The following GSK3B variants were observed in gnomAD, a reference collection of about 807,000 sequenced individuals.
GSK3B encodes the protein glycogen synthase kinase-3 beta.
In GSK3B, 15 loss-of-function variants were observed where a neutral mutation model predicts 56.4. The observed-to-expected ratio is 0.27, with a 90% CI of 0.18 to 0.41. GSK3B has a LOEUF of 0.41. Ranked by LOEUF, GSK3B falls within the 10% of genes least tolerant of loss-of-function variation. The pLI, the probability that GSK3B is intolerant of heterozygous loss-of-function variation, is 1.00. For synonymous variants in GSK3B, 181 were observed against 188.9 expected (o/e 0.96, Z 0.34); for missense variants, 300 against 513.4 (o/e 0.58, Z 4.02).
Position 120,072,583 on chromosome 3 carries a change from A to T in GSK3B, c.88+20764T>A, listed in dbSNP as rs544636633. On this transcript the variant is annotated intron_variant, in intron 1 of 10. Coordinates refer to ENST00000264235, the MANE Select transcript of GSK3B (RefSeq NM_001146156.2). ...GCCTGAGCAAGACTCAGTCTCAAAA[A>T]AATAATAATAATAATTATCTTCAAA... Among the ~76,000 whole-genome samples the T allele has an allele frequency of 5.9e-5, 9 of 152,286 alleles. No individual in the cohort carries two copies. The South Asian group carries it at 6.2e-4, about 11-fold the overall frequency.
chr3:119,861,555 C>G (rs748833905), intron 9 of GSK3B, among the ~76,000 whole-genome samples: 1 of 151,088 alleles, frequency 6.6e-6, no homozygotes, highest in African/African-American at 2.4e-5. Context: ...ACAAAAAAAC[C>G]AAAAAACAAC....
intron 1 of GSK3B, among the ~76,000 whole-genome samples, chr3:120,083,881 C>T (rs1371283048): frequency 6.6e-6 from 1 of 152,086 alleles, no homozygotes; most frequent in African/African-American, 2.4e-5. Context: ...CATAAATGGC[C>T]ATGTATTACA....
intron 2 of GSK3B, among the ~76,000 whole-genome samples, chr3:119,981,528 G>A (rs940300460): frequency 3.3e-5 from 5 of 152,250 alleles, no homozygotes; most frequent in Admixed American, 6.5e-5. Context: ...AGCACCCGCT[G>A]ACAAGATGAT....
At chr3:119,988,421 C>T (rs1334247239) in intron 2 of GSK3B, among the ~76,000 whole-genome samples, 1 of 152,156 alleles carries the variant, frequency 6.6e-6, no homozygotes, top group East Asian at 1.9e-4. Flanking sequence ...TCTTAAGTTA[C>T]AGTACTTGCA....
chr3:119,918,902 C>T (rs905812842), intron 4 of GSK3B, among the ~76,000 whole-genome samples: 6 of 151,976 alleles, frequency 3.9e-5, no homozygotes, highest in Admixed American at 3.3e-4. Context: ...CTTCTCTGTG[C>T]CATAATATCT....
intron 2 of GSK3B, among the ~76,000 whole-genome samples, chr3:119,984,570 G>C (rs935569006): frequency 5.9e-5 from 9 of 152,258 alleles, no homozygotes; most frequent in African/African-American, 2.2e-4. Flanking sequence ...ACTACCATCA[G>C]AGAATACTAT....
rs1164391033 is a variant in GSK3B, at chr3:119,911,942, C to T, written c.715+762G>A. 5.9e-5 allele frequency among the ~76,000 whole-genome samples: 9 copies of T among 152,160 alleles called. 1 individual carries two copies. Among genetic ancestry groups the T allele is most frequent in the East Asian group, 5.8e-4 (3 of 5,194 alleles). On this transcript the variant is annotated intron_variant, in intron 6 of 10. Transcript: ENST00000264235. ...CCCTGTAACAGCAATAAGGCTGTTTCACTTTCTTATCATTCATCTGTTCAT... is the reference window on the plus strand; with the variant it reads ...CCCTGTAACAGCAATAAGGCTGTTTTACTTTCTTATCATTCATCTGTTCAT...
intron 3 of GSK3B, among the ~76,000 whole-genome samples, chr3:119,930,158 T>G (rs1318242962): frequency 1.3e-5 from 2 of 151,944 alleles, no homozygotes; most frequent in Non-Finnish European, 2.9e-5. Flanking sequence ...TTTAATTTTA[T>G]ATATTTAAAT....
At chr3:119,977,482 C>CA (rs1226027399) in intron 2 of GSK3B, among the ~76,000 whole-genome samples, 1 of 152,184 alleles carries the variant, frequency 6.6e-6, no homozygotes, top group Admixed American at 6.5e-5. Flanking sequence ...CTCCCATTGC[C>CA]ATGCTGTTAC....
At position 120,082,382 on chromosome 3, in the gene GSK3B, G is replaced by GTTTT. The variant is rs1296252569; in HGVS notation, c.88+10964_88+10965insAAAA. ...AAATGTGGCTAGCCCAAATTAGTAT[G>GTTTT]TTCTTTTTTTTTTTTTTTTTTTTTT... is the stretch of plus-strand genomic sequence containing the variant. On this transcript the variant is annotated intron_variant, in intron 1 of 10. Coordinates refer to ENST00000264235, the MANE Select transcript of GSK3B (RefSeq NM_001146156.2). Among the ~76,000 whole-genome samples the GTTTT allele has an allele frequency of 8.7e-4, 63 of 72,476 alleles. 3 individuals carry two copies. Among genetic ancestry groups the GTTTT allele is most frequent in the African/African-American group, 2.8e-3 (50 of 17,738 alleles). 47.5% of individuals were successfully genotyped at this position (72,476 alleles called of 152,430 possible).
chr3:120,001,522 C>G (rs1046840038), intron 2 of GSK3B, among the ~76,000 whole-genome samples: 3 of 152,170 alleles, frequency 2.0e-5, no homozygotes, highest in Non-Finnish European at 4.4e-5. Flanking sequence ...GATGTCTGCA[C>G]CACACTTCCT....
At chr3:120,071,739 A>G (rs536469633) in intron 1 of GSK3B, among the ~76,000 whole-genome samples, 1 of 152,348 alleles carries the variant, frequency 6.6e-6, no homozygotes, top group South Asian at 2.1e-4. Flanking sequence ...TAATAATAAT[A>G]AAGTGCACAT....
chr3:119,989,257 ACT>A (rs2057542306), intron 2 of GSK3B, among the ~76,000 whole-genome samples: 1 of 152,238 alleles, frequency 6.6e-6, no homozygotes, highest in East Asian at 1.9e-4. Flanking sequence ...ACAGGAATCA[ACT>A]CCTAAATACA....
At chr3:119,928,604 C>CAAAAAAAAA (rs1430388699) in intron 3 of GSK3B, among the ~76,000 whole-genome samples, 1 of 28,638 alleles carries the variant, frequency 3.5e-5, no homozygotes, top group Non-Finnish European at 7.6e-5. Context: ...GACTCCATAT[C>CAAAAAAAAA]AAAAAAATAA....
intron 1 of GSK3B, among the ~76,000 whole-genome samples, chr3:120,064,569 T>C (rs1407981248): frequency 1.3e-5 from 2 of 152,184 alleles, no homozygotes; most frequent in Non-Finnish European, 2.9e-5. Context: ...CATAATACTG[T>C]CAAGATGTCA....
intron 7 of GSK3B, among the ~76,000 whole-genome samples, chr3:119,878,086 T>C (rs1445254534): frequency 6.6e-6 from 1 of 152,180 alleles, no homozygotes. Context: ...TATGTTTTTG[T>C]TGTTGGTTCT....
rs781745031 is a variant in GSK3B, at chr3:119,916,185, T to C, written c.478-11A>G. 13 of 1,579,250 alleles carry C rather than the reference T, an allele frequency of 8.2e-6. No individual in the cohort carries two copies. Among genetic ancestry groups the C allele is most frequent in the East Asian group, 2.2e-5 (1 of 44,616 alleles). The stretch of plus-strand genomic sequence containing the variant: ...CTGATACATATACAACTGGAATAGA[T>C]AGTAGAAATTAATTAAATACTTCCT... On this transcript the variant is annotated splice_polypyrimidine_tract_variant and intron_variant, in intron 4 of 10. Transcript: ENST00000264235.
intron 7 of GSK3B, among the ~76,000 whole-genome samples, chr3:119,903,004 G>T (rs76623940): frequency 0.026 from 3,931 of 152,150 alleles, 174 homozygotes; most frequent in African/African-American, 0.089. Flanking sequence ...CGTGAACTAC[G>T]GCCCCTGGCC....
intron 2 of GSK3B, among the ~76,000 whole-genome samples, chr3:119,990,074 G>A (rs9825537): frequency 2.4e-4 from 36 of 152,110 alleles, no homozygotes; most frequent in Non-Finnish European, 4.4e-4. Flanking sequence ...TCAGCCTAAT[G>A]GCTAAGGTCA....
Sources: gnomAD v4.1 joint callset for allele counts (sites outside exome capture counted in the v4.1 genomes callset) on GRCh38, gnomAD v4.1.1 for gene constraint, MANE v1.5 for transcripts, NCBI Gene and HGNC (gene_info 2026-07-23, HGNC 2026-07-21) for gene names.